TTLL5: variants seen among roughly 807,000 people sequenced by gnomAD.
The protein encoded by TTLL5 is tubulin polyglutamylase TTLL5.
Under a neutral mutation model 168.4 loss-of-function variants are expected in TTLL5, and 132 were observed. The ratio of observed to expected loss-of-function variants is 0.78; its 90% CI spans 0.68 to 0.91. The LOEUF (loss-of-function observed/expected upper bound fraction) is 0.91. Among genes scored for constraint, TTLL5 ranks in the 40% least tolerant of loss-of-function variants. The pLI, the probability that TTLL5 is intolerant of heterozygous loss-of-function variation, is 0.00. For missense variants in TTLL5, 1,545 were observed against 1,581.5 expected (o/e 0.98, Z 0.39); for synonymous variants, 546 against 558.6 (o/e 0.98, Z 0.32).
intron 28 of TTLL5, among the ~76,000 whole-genome samples, chr14:75,827,941 T>A (rs890470318): frequency 3.3e-5 from 5 of 151,768 alleles, no homozygotes; most frequent in African/African-American, 1.2e-4. Context: ...GGTCTTGAAC[T>A]CCCAGGCTAA....
At chr14:75,753,039 A>G in intron 18 of TTLL5, 84 bp downstream of exon 18, 3 of 1,318,490 alleles carry the variant, frequency 2.3e-6, no homozygotes, top group East Asian at 2.3e-5. Flanking sequence ...CAGACCTTAT[A>G]AAAGTCTTTA....
chr14:75,727,972 A>G lies in TTLL5; in HGVS notation c.1043-4366A>G, dbSNP rs1273047653. 1.6e-5 allele frequency: 6 copies of G among 374,034 alleles called. No individual in the cohort carries two copies. In the East Asian group the frequency reaches 4.6e-4, roughly 28 times the overall value. The allele number at this position is 374,034 out of a possible 1,614,324, so 23.2% of individuals were successfully genotyped here. ...GTTACATGGATATGTCCAATTATCA[A>G]GACTTGTCAAGTTGTACACTTAGAT... On this transcript the variant is annotated intron_variant, in intron 12 of 31. Coordinates refer to ENST00000298832, the MANE Select transcript of TTLL5 (RefSeq NM_015072.5).
intron 29 of TTLL5, among the ~76,000 whole-genome samples, chr14:75,864,476 G>A (rs1037131636): frequency 6.6e-6 from 1 of 152,170 alleles, no homozygotes; most frequent in African/African-American, 2.4e-5. Flanking sequence ...AATCCTTGCT[G>A]TTGTGCAACT....
At chr14:75,705,999 A>G (rs1266109940) in intron 7 of TTLL5, among the ~76,000 whole-genome samples, 2 of 151,922 alleles carry the variant, frequency 1.3e-5, no homozygotes, top group Non-Finnish European at 2.9e-5. Context: ...CTCCCTCCTC[A>G]TTGTTTAACC....
intron 13 of TTLL5, among the ~76,000 whole-genome samples, chr14:75,733,392 C>T (rs1594942430): frequency 6.6e-6 from 1 of 151,954 alleles, no homozygotes; most frequent in Admixed American, 6.5e-5. Flanking sequence ...TGCTTTTGGT[C>T]GATGTTGTTT....
intron 7 of TTLL5, among the ~76,000 whole-genome samples, chr14:75,705,318 A>G (rs964245712): frequency 1.2e-4 from 19 of 152,242 alleles, no homozygotes; most frequent in African/African-American, 3.4e-4. Flanking sequence ...AGAGCTGCTC[A>G]TACTGGTTGT....
intron 31 of TTLL5, chr14:75,930,518 C>A: frequency 2.4e-6 from 2 of 823,030 alleles, no homozygotes; most frequent in South Asian, 5.5e-5. Context: ...AAATCTAAAA[C>A]ACTTCTAGTC....
At chr14:75,688,532 A>G (rs1885227166) in intron 5 of TTLL5, among the ~76,000 whole-genome samples, 1 of 152,152 alleles carries the variant, frequency 6.6e-6, no homozygotes. Flanking sequence ...AATTGATCCC[A>G]AGGAGGGAGT....
At chr14:75,675,143 T>G (rs1214341796) in intron 3 of TTLL5, among the ~76,000 whole-genome samples, 1 of 152,182 alleles carries the variant, frequency 6.6e-6, no homozygotes, top group African/African-American at 2.4e-5. Context: ...AAATTTAAAT[T>G]AACTAAAGTT....
intron 31 of TTLL5, among the ~76,000 whole-genome samples, chr14:75,946,614 A>C (rs1315066307): frequency 6.6e-6 from 1 of 152,226 alleles, no homozygotes; most frequent in Non-Finnish European, 1.5e-5. Flanking sequence ...TGTGTTCAGC[A>C]CTATTCTAGG....
chr14:75,953,988 C>T (rs1374379930), intron 31 of TTLL5, among the ~76,000 whole-genome samples: 1 of 152,086 alleles, frequency 6.6e-6, no homozygotes, highest in Non-Finnish European at 1.5e-5. Context: ...GTGGCTCACA[C>T]CTGTAATCCC....
chr14:75,709,828 T>TTAA (rs1229075470), intron 9 of TTLL5: 5 of 39,886 alleles, frequency 1.3e-4, no homozygotes, highest in African/African-American at 5.5e-4. Context: ...CCCATCTCAT[T>TTAA]AAAAAAAAAA....
At chr14:75,783,670 AAAG>A (rs1299141783) in intron 26 of TTLL5, 140 bp downstream of exon 26, 15 of 1,227,306 alleles carry the variant, frequency 1.2e-5, no homozygotes, top group East Asian at 5.0e-5. Flanking sequence ...TGACGTGACT[AAAG>A]AAGACTTTTG....
At chr14:75,782,127 A>T (rs1457513555) in intron 24 of TTLL5, among the ~76,000 whole-genome samples, 1 of 152,102 alleles carries the variant, frequency 6.6e-6, no homozygotes, top group Non-Finnish European at 1.5e-5. Flanking sequence ...AACCAGCGTG[A>T]TCTCTTAGAA....
chr14:75,721,737 T>C (rs962340607), intron 12 of TTLL5, among the ~76,000 whole-genome samples: 2 of 152,174 alleles, frequency 1.3e-5, no homozygotes, highest in Admixed American at 1.3e-4. Flanking sequence ...CTTGACACAA[T>C]GTCTGGCCCT....
intron 29 of TTLL5, among the ~76,000 whole-genome samples, chr14:75,875,907 G>C (rs10873286): frequency 0.87 from 132,189 of 152,288 alleles, 57,460 homozygotes; most frequent in East Asian, 0.92. Flanking sequence ...AAATCATTTT[G>C]AATGAACATT....
intron 5 of TTLL5, among the ~76,000 whole-genome samples, chr14:75,686,711 A>T (rs1286747685): frequency 2.7e-5 from 4 of 150,448 alleles, no homozygotes; most frequent in African/African-American, 9.7e-5. Context: ...TTAACTCAGA[A>T]TTTTTTTTTT....
At chr14:75,856,040 A>G (rs1897108486) in intron 28 of TTLL5, among the ~76,000 whole-genome samples, 1 of 152,244 alleles carries the variant, frequency 6.6e-6, no homozygotes, top group Admixed American at 6.5e-5. Context: ...ACAAGGATGT[A>G]AAGGAAAATA....
intron 29 of TTLL5, among the ~76,000 whole-genome samples, chr14:75,880,199 C>A (rs996277509): frequency 6.6e-6 from 1 of 151,636 alleles, no homozygotes. Flanking sequence ...TGTATGTATT[C>A]TTTTTAAAAA....
Sources: allele counts gnomAD v4.1 joint callset (sites outside exome capture counted in the v4.1 genomes callset), GRCh38; gene constraint gnomAD v4.1.1; transcripts MANE v1.5; gene names NCBI Gene and HGNC (gene_info 2026-07-23, HGNC 2026-07-21).